LRRD1: variants seen among roughly 807,000 people sequenced by gnomAD.
LRRD1 encodes the protein leucine rich repeats and death domain containing 1.
LRRD1 carries 49 observed loss-of-function variants against 69.5 expected under a neutral mutation model. The observed-to-expected ratio is 0.70, with a 90% CI of 0.56 to 0.89. LRRD1 has a LOEUF of 0.89. Ranked by LOEUF, LRRD1 falls within the 40% of genes least tolerant of loss-of-function variation. LRRD1 has a pLI of 0.00. For missense variants in LRRD1, 853 were observed against 956.0 expected, an observed-to-expected ratio of 0.89 and a Z score of 1.42; for synonymous variants, 303 against 338.9, an observed-to-expected ratio of 0.89 and a Z score of 1.16.
chr7:92,147,506 T>TTTTGTTTTG (rs1317153519), intron 4 of LRRD1, among the ~76,000 whole-genome samples: 2 of 151,924 alleles, frequency 1.3e-5, no homozygotes, highest in African/African-American at 2.4e-5. Context: ...TTTTGTTTTG[T>TTTTGTTTTG]TTTGTTTGGT....
intron 3 of LRRD1, among the ~76,000 whole-genome samples, chr7:92,155,307 C>T (rs1016288601): frequency 1.3e-5 from 2 of 152,192 alleles, no homozygotes; most frequent in African/African-American, 4.8e-5. Flanking sequence ...AGGCAGGGAG[C>T]ACATGCAGTG....
intron 2 of LRRD1, among the ~76,000 whole-genome samples, chr7:92,162,483 A>T (rs1339742211): frequency 6.6e-6 from 1 of 152,180 alleles, no homozygotes; most frequent in Non-Finnish European, 1.5e-5. Flanking sequence ...AGATCTTCAT[A>T]TAAATCAGTA....
chr7:92,169,381 G>A (rs181440810), intron 1 of LRRD1, among the ~76,000 whole-genome samples: 16 of 152,118 alleles, frequency 1.1e-4, no homozygotes, highest in South Asian at 6.2e-4. Context: ...GGCTGGGCAC[G>A]GTGGTTCATG....
Position 92,164,353 on chromosome 7 carries a change from C to T in LRRD1, c.850G>A (p.Val284Ile). 5 of 1,549,532 alleles carry T rather than the reference C, an allele frequency of 3.2e-6. No individual in the cohort carries two copies. Among genetic ancestry groups the T allele is most frequent in the African/African-American group, 1.4e-5 (1 of 72,998 alleles). The change falls in exon 2 of 6, where the codon GTT (valine) becomes ATT (isoleucine). Residue 284 changes from valine (V) to isoleucine (I), a missense_variant. Physicochemically the swap from Val to Ile is conservative, Grantham distance 29. Transcript: ENST00000458448. The stretch of plus-strand genomic sequence containing the variant: ...AACTGATTATATTCCAAATTGAGAA[C>T]CCTCAAGGTTTTTAAACTAGGCAGA... ...DTLPSLKTLR[V>I]LNLEYNQLTT...
chr7:92,152,818 G>A (rs1820507854), intron 3 of LRRD1, among the ~76,000 whole-genome samples: 2 of 151,332 alleles, frequency 1.3e-5, no homozygotes, highest in Admixed American at 1.3e-4. Flanking sequence ...CTATAGGTGC[G>A]TGCCACCACA....
At position 92,164,957 on chromosome 7, in the gene LRRD1, C is replaced by A. The variant is rs1225791383; in HGVS notation, c.246G>T (p.Lys82Asn). 1.3e-6 allele frequency: 2 copies of A among 1,551,160 alleles called. No individual in the cohort carries two copies. Among genetic ancestry groups the A allele is most frequent in the Admixed American group, 2.0e-5 (1 of 50,942 alleles). The stretch of plus-strand genomic sequence containing the variant: ...TTGTTTCAGAAAATTGAAGATTTTT[C>A]TTTTGTTCTTCATTTCTCTTAGACT... ...GRKSKRNEEQ[K>N]KNLQFSETST... The change falls in exon 2 of 6, where the codon AAG (lysine) becomes AAT (asparagine). Residue 82 changes from lysine (K) to asparagine (N), a missense_variant. By Grantham distance (94) the Lys-to-Asn change is moderately conservative. Transcript: ENST00000458448.
rs7 is a variant in LRRD1 at position 92,150,243 on chromosome 7, T to A, written c.2278+291A>T. 6.4e-3 allele frequency among the ~76,000 whole-genome samples: 971 copies of A among 152,246 alleles called. 10 individuals carry two copies. Among genetic ancestry groups the A allele is most frequent in the South Asian group, 0.03 (145 of 4,822 alleles). On this transcript the variant is annotated intron_variant, in intron 4 of 5. Transcript: ENST00000458448. ...CACTGAGAGACCAAGACAGGAGGAT[T>A]GCTTGAGCTCGGGAGTTCAAGACTA... is the stretch of plus-strand genomic sequence containing the variant.
At chr7:92,149,667 G>C (rs572134039) in intron 4 of LRRD1, among the ~76,000 whole-genome samples, 31 of 152,144 alleles carry the variant, frequency 2.0e-4, no homozygotes, top group Non-Finnish European at 3.4e-4. Context: ...TCAGTGGAAT[G>C]GCTCCATGGT....
Position 92,164,399 on chromosome 7 carries a change from C to A in LRRD1, c.804G>T (p.Lys268Asn), listed in dbSNP as rs774627693. 6.5e-7 allele frequency: 1 copy of A among 1,548,380 alleles called. No individual in the cohort carries two copies. Among genetic ancestry groups the A allele is most frequent in the South Asian group, 1.2e-5 (1 of 83,724 alleles). Residue 268 changes from lysine to asparagine, a missense_variant, in exon 2 of 6, where the codon AAG becomes AAT. Transcript: ENST00000458448. ...NLEILSLGKN[K>N]LRHIPDTLPS... Reference sequence around the variant, plus strand: ...GCAGAGTATCTGGTATATGTCTTAACTTATTTTTACCCAAACTTAAAATTT... The same window carrying A: ...GCAGAGTATCTGGTATATGTCTTAAATTATTTTTACCCAAACTTAAAATTT...
intron 1 of LRRD1, among the ~76,000 whole-genome samples, chr7:92,174,525 T>A (rs1288857477): frequency 2.1e-5 from 2 of 94,928 alleles, no homozygotes; most frequent in African/African-American, 7.9e-5. Context: ...TTTTTTTTTT[T>A]TTTTTTTTTT....
At chr7:92,150,716 T>G in intron 3 of LRRD1, 21 bp from the exon 4 acceptor site, 1 of 1,474,018 alleles carries the variant, frequency 6.8e-7, no homozygotes, top group South Asian at 1.3e-5. Flanking sequence ...AAAATTAGAA[T>G]TGAATTACAT....
chr7:92,164,173 C>G lies in LRRD1; in HGVS notation c.1030G>C (p.Glu344Gln). Residue 344 changes from glutamate to glutamine, a missense_variant, in exon 2 of 6, where the codon GAA (glutamate) becomes CAA (glutamine). By Grantham distance (29) the Glu-to-Gln change is conservative. Around this residue, in one of 3 missense-constraint regions of LRRD1, gnomAD observed 739 missense variants for 808.0 expected, o/e 0.91. Coordinates refer to ENST00000458448, the MANE Select transcript of LRRD1 (RefSeq NM_001161528.2). ...TTTATTTTGAGTAACTGAAAAATTT[C>G]TACAGCCAGAAAGGTAAGCTTATTG... ...DHNKLTFLAV[E>Q]IFQLLKIKEL... 2 of 1,547,532 alleles carry G rather than the reference C, an allele frequency of 1.3e-6. No individual in the cohort carries two copies. The highest frequency in any genetic ancestry group is 1.7e-6 in the Non-Finnish European group (2 of 1,145,984).
In LRRD1 at chr7:92,159,174, A is replaced by G. The variant is rs1388098839; in HGVS notation, c.1947T>C (p.Asn649=). 3.9e-6 allele frequency: 6 copies of G among 1,527,574 alleles called. No homozygotes were observed. The Admixed American group carries it at 6.7e-5, about 17-fold the overall frequency. 94.6% of individuals were successfully genotyped at this position (1,527,574 alleles called of 1,614,324 possible). A position where few individuals can be genotyped will look rare whatever the true frequency, so the allele number is the denominator to read the frequency against. Residue 649 remains asparagine, a synonymous_variant, in exon 3 of 6, where the codon AAT becomes AAC. Transcript: ENST00000458448. ...KLTRLPGELS[N]MTQLKELDIS... is the part of the protein sequence containing the mutation. ...TATCAAGTTCTTTAAGTTGAGTCAT[A>G]TTAGATAGCTCTCCTGGAAGTCTTG...
At chr7:92,169,117 T>C (rs571351519) in intron 1 of LRRD1, among the ~76,000 whole-genome samples, 10 of 152,072 alleles carry the variant, frequency 6.6e-5, no homozygotes, top group African/African-American at 2.4e-4. Context: ...CAGGGTTTCA[T>C]TGAATTGGCC....
At chr7:92,153,638 T>A (rs1363773427) in intron 3 of LRRD1, among the ~76,000 whole-genome samples, 1 of 150,988 alleles carries the variant, frequency 6.6e-6, no homozygotes, top group South Asian at 2.1e-4. Context: ...GAGAGAAGCC[T>A]GGGCAACATA....
At chr7:92,159,577 C>T (rs957993346) in intron 2 of LRRD1, among the ~76,000 whole-genome samples, 5 of 138,646 alleles carry the variant, frequency 3.6e-5, no homozygotes, top group African/African-American at 1.3e-4. Context: ...CCAACTACTC[C>T]ATCCCACATT....
chr7:92,174,515 T>A lies in LRRD1; in HGVS notation c.-75+4492A>T, dbSNP rs1338594023. ...TATATATATATATATATATATTTTT[T>A]TTTTTTTTTTTTTTTTTTTTTTGAG... On this transcript the variant is annotated intron_variant, in intron 1 of 5. Coordinates refer to ENST00000458448, the MANE Select transcript of LRRD1 (RefSeq NM_001161528.2). Among the ~76,000 whole-genome samples the A allele has an allele frequency of 9.0e-3, 443 of 49,450 alleles. 2 individuals are homozygous for A. The highest frequency in any genetic ancestry group is 0.011 in the Non-Finnish European group (262 of 22,970). 32.4% of individuals were successfully genotyped at this position (49,450 alleles called of 152,430 possible). A position where few individuals can be genotyped will look rare whatever the true frequency, so the allele number is the denominator to read the frequency against.
chr7:92,164,979 G>C lies in LRRD1; in HGVS notation c.224C>G (p.Ser75Cys). ...TTTCTTTTGTTCTTCATTTCTCTTA[G>C]ACTTCCTTCCAGAGGAAGATGTTGA... ...LESTSSSGRK[S>C]KRNEEQKKNL... The change falls in exon 2 of 6, where the codon TCT becomes TGT. Residue 75 changes from serine to cysteine, a missense_variant. Ser to Cys is a moderately radical substitution (Grantham distance 112, BLOSUM62 -1). Coordinates refer to ENST00000458448, the MANE Select transcript of LRRD1 (RefSeq NM_001161528.2). 4 of 1,551,236 alleles carry C rather than the reference G, an allele frequency of 2.6e-6. No homozygotes were observed. Among genetic ancestry groups the C allele is most frequent in the Non-Finnish European group, 3.5e-6 (4 of 1,146,830 alleles).
chr7:92,163,830 A>G lies in LRRD1; in HGVS notation c.1373T>C (p.Ile458Thr), dbSNP rs1303925736. 2.1e-5 allele frequency: 32 copies of G among 1,501,044 alleles called. No individual in the cohort carries two copies. Among genetic ancestry groups the G allele is most frequent in the Non-Finnish European group, 2.6e-5 (29 of 1,129,784 alleles). The allele number at this position is 1,501,044 out of a possible 1,614,324, so 93.0% of individuals were successfully genotyped here. Residue 458 changes from isoleucine (I) to threonine (T), a missense_variant, in exon 2 of 6, where the codon ATT (isoleucine) becomes ACT (threonine). Transcript: ENST00000458448. The stretch of plus-strand genomic sequence containing the variant: ...TATTTTTTGGCAGTTTTTTATTTCA[A>G]TGGGAACATCTGTGATTATGTTTCC... ...FSGNIITDVP[I>T]EIKNCQKIIK...
Sources: allele counts gnomAD v4.1 joint callset (sites outside exome capture counted in the v4.1 genomes callset), GRCh38; gene constraint gnomAD v4.1.1; regional missense constraint gnomAD v4.1.1; transcripts MANE v1.5; gene names NCBI Gene and HGNC (gene_info 2026-07-23, HGNC 2026-07-21).